The following EVL variants were observed in gnomAD, a reference collection of about 807,000 sequenced individuals.
The protein encoded by EVL is ena/VASP-like protein.
A neutral mutation model predicts 59.6 loss-of-function variants in EVL; 21 were observed. The observed-to-expected ratio is 0.35, with a 90% CI of 0.25 to 0.51. The LOEUF is 0.51. Among genes scored for constraint, EVL ranks in the 20% least tolerant of loss-of-function variants. The pLI is 0.97. For missense variants in EVL, 462 were observed against 546.6 expected, an observed-to-expected ratio of 0.85 and a Z score of 1.54; for synonymous variants, 198 against 203.5, an observed-to-expected ratio of 0.97 and a Z score of 0.23.
intron 1 of EVL, among the ~76,000 whole-genome samples, chr14:100,032,583 T>C (rs1391264596): frequency 1.3e-5 from 2 of 152,304 alleles, no homozygotes; most frequent in South Asian, 2.1e-4. Context: ...TGCGGTCTCT[T>C]GAAGCTTGGC....
intron 1 of EVL, among the ~76,000 whole-genome samples, chr14:100,043,954 T>C (rs985065900): frequency 1.7e-4 from 26 of 152,104 alleles, no homozygotes; most frequent in Non-Finnish European, 1.8e-4. Flanking sequence ...ATTAGAGGTA[T>C]TGAGTCGTGA....
At chr14:99,995,405 A>T (rs770121698) in intron 1 of EVL, among the ~76,000 whole-genome samples, 4 of 151,924 alleles carry the variant, frequency 2.6e-5, no homozygotes, top group Non-Finnish European at 5.9e-5. Context: ...CTGCCTAGTT[A>T]AGTGCTTTTG....
intron 3 of EVL, chr14:100,106,971 T>C (rs1381681359): frequency 1.5e-5 from 6 of 398,576 alleles, no homozygotes; most frequent in Non-Finnish European, 2.2e-5. Flanking sequence ...CAGCTTGGTC[T>C]AGCAGGAAGA....
chr14:100,083,231 G>A (rs1366792131), intron 1 of EVL, among the ~76,000 whole-genome samples: 8 of 152,154 alleles, frequency 5.3e-5, no homozygotes, highest in Non-Finnish European at 1.0e-4. Flanking sequence ...CCTACTTGTC[G>A]ACTGTCACAG....
intron 1 of EVL, among the ~76,000 whole-genome samples, chr14:100,082,138 A>G (rs2062323276): frequency 6.6e-6 from 1 of 152,086 alleles, no homozygotes; most frequent in Non-Finnish European, 1.5e-5. Flanking sequence ...AAATAAATAA[A>G]TAAAAATTTA....
Position 100,058,634 on chromosome 14 carries a change from A to T in EVL, c.6-26053A>T, listed in dbSNP as rs534296711. ...TAGGAATTGGTACCACTCCTGCAGTACATGGTTATTTATAAGATCATTTTT... is the reference window on the plus strand; with the variant it reads ...TAGGAATTGGTACCACTCCTGCAGTTCATGGTTATTTATAAGATCATTTTT... On this transcript the variant is annotated intron_variant, in intron 1 of 13. Transcript: ENST00000402714. 5.9e-5 allele frequency among the ~76,000 whole-genome samples: 9 copies of T among 152,324 alleles called. No individual in the cohort carries two copies. In the East Asian group the frequency reaches 1.7e-3, roughly 29 times the overall value.
intron 3 of EVL, among the ~76,000 whole-genome samples, chr14:100,103,107 A>C (rs1350552942): frequency 6.6e-6 from 1 of 151,782 alleles, no homozygotes; most frequent in African/African-American, 2.4e-5. Flanking sequence ...TCTCAAAAAA[A>C]AAAAAAAAAA....
intron 1 of EVL, among the ~76,000 whole-genome samples, chr14:100,040,663 G>A (rs2061455358): frequency 6.6e-6 from 1 of 152,186 alleles, no homozygotes; most frequent in African/African-American, 2.4e-5. Context: ...GTGAGACCAG[G>A]AGGAGAGGTT....
In EVL at chr14:100,054,048, ACTTTTTT is replaced by A. The variant is rs2061688262; in HGVS notation, c.6-30638_6-30632del. On this transcript the variant is annotated intron_variant, in intron 1 of 13. Transcript: ENST00000402714. ...ATTTTTTGCATTTTATTATTTTTGG[ACTTTTTT>A]TTTTTTTTTTTTTTTTTTGAGACAG... is the stretch of plus-strand genomic sequence containing the variant. Among the ~76,000 whole-genome samples the A allele has an allele frequency of 5.4e-5, 4 of 73,648 alleles. No homozygotes were observed. In the South Asian group the frequency reaches 1.5e-3, roughly 29 times the overall value. The allele number at this position is 73,648 out of a possible 152,430, so 48.3% of individuals were successfully genotyped here. A position where few individuals can be genotyped will look rare whatever the true frequency, so the allele number is the denominator to read the frequency against.
chr14:100,049,991 C>T (rs2061620572), intron 1 of EVL, among the ~76,000 whole-genome samples: 3 of 152,166 alleles, frequency 2.0e-5, no homozygotes, highest in Admixed American at 2.0e-4. Flanking sequence ...CTTTCTGAGA[C>T]ATTAAGTTGC....
intron 1 of EVL, among the ~76,000 whole-genome samples, chr14:100,034,747 A>C (rs987972382): frequency 9.2e-5 from 14 of 152,178 alleles, no homozygotes; most frequent in Non-Finnish European, 1.6e-4. Context: ...CTTTAAAAAA[A>C]AAATGCGTAA....
At chr14:99,989,445 TTTC>T (rs1248273409) in intron 1 of EVL, among the ~76,000 whole-genome samples, 3 of 152,208 alleles carry the variant, frequency 2.0e-5, no homozygotes, top group Admixed American at 2.0e-4. Context: ...GAGTTAATAT[TTTC>T]TTCTTAGGTT....
chr14:100,120,406 G>A (rs1887622145), intron 3 of EVL, among the ~76,000 whole-genome samples: 1 of 152,168 alleles, frequency 6.6e-6, no homozygotes, highest in African/African-American at 2.4e-5. Flanking sequence ...AGAAGCCCAG[G>A]GTCTAGTACA....
At chr14:100,107,084 A>G (rs1465920712) in intron 3 of EVL, 2 of 398,616 alleles carry the variant, frequency 5.0e-6, no homozygotes, top group Non-Finnish European at 8.8e-6. Flanking sequence ...GGCAGTTCAC[A>G]TGACACGAAG....
intron 3 of EVL, among the ~76,000 whole-genome samples, chr14:100,110,637 G>A (rs1303903136): frequency 6.6e-6 from 1 of 152,138 alleles, no homozygotes; most frequent in Non-Finnish European, 1.5e-5. Context: ...CTGACCCTGG[G>A]GGTCTCCCTC....
At chr14:100,001,098 A>G (rs983538257) in intron 1 of EVL, among the ~76,000 whole-genome samples, 2 of 152,184 alleles carry the variant, frequency 1.3e-5, no homozygotes, top group Admixed American at 1.3e-4. Context: ...TGGAAAATTG[A>G]TAGAGGCCAC....
intron 2 of EVL, among the ~76,000 whole-genome samples, chr14:100,091,750 A>G (rs755261328): frequency 3.3e-5 from 5 of 152,216 alleles, no homozygotes; most frequent in African/African-American, 7.2e-5. Context: ...ACCATGATTT[A>G]TAGCCCGTGG....
Position 99,972,117 on chromosome 14 carries a change from T to G in EVL, c.5+60T>G. 3.4e-6 allele frequency: 1 copy of G among 294,624 alleles called. No homozygotes were observed. The highest frequency in any genetic ancestry group is 1.5e-4 in the South Asian group (1 of 6,818). 18.3% of individuals were successfully genotyped at this position (294,624 alleles called of 1,614,324 possible). A position where few individuals can be genotyped will look rare whatever the true frequency, so the allele number is the denominator to read the frequency against. On this transcript the variant is annotated intron_variant, in intron 1 of 13. Transcript: ENST00000402714. This position sits in a 1 kb window ranked among gnomAD's most constrained non-coding sequence, Gnocchi z 4.4. ...GCGGCCAGCGTCGGAGGGGCTGGGC[T>G]GGGGGCCCGCGGTGCCCCCGAGGGC...
At chr14:100,140,573 G>A (rs553506005) in intron 11 of EVL, 3 of 152,206 alleles carry the variant, frequency 2.0e-5, no homozygotes, top group Non-Finnish European at 2.9e-5. Context: ...CCAAGATTGC[G>A]CCATTGCACT....
Sources: allele counts gnomAD v4.1 joint callset (sites outside exome capture counted in the v4.1 genomes callset), GRCh38; gene constraint gnomAD v4.1.1; non-coding constraint Gnocchi (gnomAD v3.1); transcripts MANE v1.5; gene names NCBI Gene and HGNC (gene_info 2026-07-23, HGNC 2026-07-21).